CSMD2: variants seen among roughly 807,000 people sequenced by gnomAD.
CSMD2 encodes the protein CUB and Sushi multiple domains 2, also known as CUB and sushi domain-containing protein 2.
In CSMD2, 130 loss-of-function variants were observed where a neutral mutation model predicts 398.5. The ratio of observed to expected loss-of-function variants is 0.33; its 90% CI spans 0.28 to 0.38. The LOEUF is 0.38. Among genes scored for constraint, CSMD2 ranks in the 10% least tolerant of loss-of-function variants. The probability of loss-of-function intolerance (pLI) is 1.00; values close to 1 mark genes in which losing one functional copy is unlikely to be tolerated. For synonymous variants in CSMD2, 1,828 were observed against 1,908.5 expected (o/e 0.96, Z 1.10); for missense variants, 3,829 against 4,764.9 (o/e 0.80, Z 5.78).
intron 13 of CSMD2, 115 bp downstream of exon 13, chr1:33,772,454 G>T: frequency 1.2e-6 from 1 of 846,548 alleles, no homozygotes; most frequent in Non-Finnish European, 1.9e-6. Context: ...CAACCAGAGT[G>T]CAGCTGTTGT....
intron 1 of CSMD2, among the ~76,000 whole-genome samples, chr1:34,154,990 C>T (rs962305187): frequency 6.6e-6 from 1 of 152,072 alleles, no homozygotes; most frequent in Admixed American, 6.5e-5. Context: ...CCTCCCAAAG[C>T]GCTGGGATTA....
chr1:33,781,198 T>C (rs1382405680), intron 12 of CSMD2, among the ~76,000 whole-genome samples: 1 of 152,214 alleles, frequency 6.6e-6, no homozygotes, highest in Non-Finnish European at 1.5e-5. Context: ...CTCAATCTTA[T>C]CTGCATGTCA....
chr1:33,733,774 T>C (rs546827976), intron 15 of CSMD2, among the ~76,000 whole-genome samples: 4 of 152,226 alleles, frequency 2.6e-5, no homozygotes, highest in Admixed American at 1.3e-4. Flanking sequence ...CCTTTCACCA[T>C]GAGTGTAAGT....
chr1:34,145,362 G>A lies in CSMD2; in HGVS notation c.187+19549C>T, dbSNP rs532963406. On this transcript the variant is annotated intron_variant, in intron 1 of 70. Transcript: ENST00000373381. ...TACCAGGACAGCAGAAAGGCAGGAG[G>A]GCTGCATGCCTGCTTCTTTGAGTGG... Among the ~76,000 whole-genome samples, 8 of 152,316 alleles carry A rather than the reference G, an allele frequency of 5.3e-5. No individual in the cohort carries two copies. The South Asian group carries it at 6.2e-4, about 12-fold the overall frequency.
chr1:33,828,211 T>C (rs1215344531), intron 6 of CSMD2, among the ~76,000 whole-genome samples: 1 of 152,210 alleles, frequency 6.6e-6, no homozygotes, highest in Admixed American at 6.5e-5. Context: ...CAATGAACAC[T>C]AACATGGACA....
intron 25 of CSMD2, among the ~76,000 whole-genome samples, chr1:33,681,846 A>T (rs1430710225): frequency 9.2e-5 from 14 of 152,030 alleles, no homozygotes; most frequent in Non-Finnish European, 1.5e-5. Context: ...GGTGCCTTTA[A>T]CCCCAGGTAC....
At chr1:34,127,184 C>T (rs1032549055) in intron 1 of CSMD2, among the ~76,000 whole-genome samples, 3 of 152,154 alleles carry the variant, frequency 2.0e-5, no homozygotes, top group Non-Finnish European at 4.4e-5. Context: ...CCGTCAGCGG[C>T]ATCCGACCCC....
intron 9 of CSMD2, among the ~76,000 whole-genome samples, chr1:33,812,036 C>T (rs1335143331): frequency 1.3e-5 from 2 of 152,222 alleles, no homozygotes; most frequent in Admixed American, 6.5e-5. Flanking sequence ...CCCAGGACAC[C>T]CTTCCTAGGA....
At chr1:33,962,268 C>T (rs1463337994) in intron 3 of CSMD2, among the ~76,000 whole-genome samples, 3 of 152,042 alleles carry the variant, frequency 2.0e-5, no homozygotes, top group Admixed American at 1.3e-4. Context: ...TGCCTGAAAG[C>T]GGTCCCTGGG....
At chr1:33,551,474 T>C (rs1345152105) in intron 55 of CSMD2, among the ~76,000 whole-genome samples, 1 of 152,206 alleles carries the variant, frequency 6.6e-6, no homozygotes, top group East Asian at 1.9e-4. Context: ...GAGATCCCTG[T>C]AGACATCATA....
chr1:33,966,620 G>A (rs548981137), intron 3 of CSMD2, among the ~76,000 whole-genome samples: 124 of 152,326 alleles, frequency 8.1e-4, no homozygotes, highest in African/African-American at 2.8e-3. Context: ...AAGCGAGGGA[G>A]TCTAAGGAAG....
chr1:33,737,149 C>T (rs2149239497), intron 15 of CSMD2, among the ~76,000 whole-genome samples: 1 of 152,262 alleles, frequency 6.6e-6, no homozygotes, highest in South Asian at 2.1e-4. Flanking sequence ...GTTACTTAAC[C>T]TAAGCCCATT....
chr1:33,553,177 A>G (rs1657624801), intron 55 of CSMD2, among the ~76,000 whole-genome samples: 1 of 152,194 alleles, frequency 6.6e-6, no homozygotes. Context: ...TTTTTTACAA[A>G]TGAAAGGTTT....
chr1:33,922,300 AG>A (rs1216958621), intron 4 of CSMD2, among the ~76,000 whole-genome samples: 5 of 152,154 alleles, frequency 3.3e-5, no homozygotes, highest in Non-Finnish European at 7.3e-5. Flanking sequence ...ACCTGAAAGA[AG>A]AGAAGGTGGG....
chr1:33,797,648 T>C (rs929567453), intron 10 of CSMD2, among the ~76,000 whole-genome samples: 2 of 152,136 alleles, frequency 1.3e-5, no homozygotes, highest in African/African-American at 4.8e-5. Flanking sequence ...TCTCTCACAC[T>C]TTCCTTGAGT....
At chr1:33,920,257 A>C (rs1348152883) in intron 4 of CSMD2, among the ~76,000 whole-genome samples, 10 of 151,960 alleles carry the variant, frequency 6.6e-5, no homozygotes, top group African/African-American at 2.2e-4. Context: ...GACTGGGCGC[A>C]GTGGCTCATG....
At chr1:33,912,262 C>T (rs950607316) in intron 5 of CSMD2, among the ~76,000 whole-genome samples, 1 of 152,026 alleles carries the variant, frequency 6.6e-6, no homozygotes, top group Non-Finnish European at 1.5e-5. Context: ...TATACAGTGG[C>T]CAGGGCAAGG....
At chr1:33,810,372 A>G (rs1656720357) in intron 10 of CSMD2, among the ~76,000 whole-genome samples, 1 of 152,224 alleles carries the variant, frequency 6.6e-6, no homozygotes, top group African/African-American at 2.4e-5. Context: ...TTTTAGGGAT[A>G]CACACTTAAG....
At chr1:33,617,292 G>A (rs1346177497) in intron 38 of CSMD2, among the ~76,000 whole-genome samples, 1 of 152,210 alleles carries the variant, frequency 6.6e-6, no homozygotes, top group African/African-American at 2.4e-5. Context: ...AACTTTGCAG[G>A]AACACATTGG....
Sources: allele counts gnomAD v4.1 joint callset (sites outside exome capture counted in the v4.1 genomes callset), GRCh38; gene constraint gnomAD v4.1.1; transcripts MANE v1.5; gene names NCBI Gene and HGNC (gene_info 2026-07-23, HGNC 2026-07-21).